The following APOH variants were observed in gnomAD, a reference collection of about 807,000 sequenced individuals.
APOH encodes beta-2-glycoprotein 1.
Under a neutral mutation model 39.8 loss-of-function variants are expected in APOH, and 48 were observed. The observed-to-expected ratio is 1.21, with a 90% CI of 0.96 to 1.54. The LOEUF (loss-of-function observed/expected upper bound fraction) is 1.54. APOH is among the 40% of genes most tolerant of loss of function. APOH has a pLI of 0.00. For synonymous variants in APOH, 153 were observed against 151.1 expected (o/e 1.01, Z -0.09); for missense variants, 415 against 421.2 (o/e 0.99, Z 0.13).
intron 3 of APOH, among the ~76,000 whole-genome samples, chr17:66,225,458 T>C (rs2073433773): frequency 6.6e-6 from 1 of 152,214 alleles, no homozygotes; most frequent in Non-Finnish European, 1.5e-5. Context: ...TCAATCAAAT[T>C]AGCCTAATAA....
chr17:66,217,069 G>A, intron 5 of APOH, 102 bp from the exon 6 acceptor site: 1 of 985,182 alleles, frequency 1.0e-6, no homozygotes, highest in Non-Finnish European at 1.4e-6. Context: ...GAATCACTGT[G>A]TGTTCCTGTA....
At chr17:66,219,193 A>G (rs1462001616) in intron 5 of APOH, among the ~76,000 whole-genome samples, 1 of 152,084 alleles carries the variant, frequency 6.6e-6, no homozygotes, top group Non-Finnish European at 1.5e-5. Flanking sequence ...ATGTTATTAG[A>G]ATGGTTTGGA....
At chr17:66,228,261 C>A in intron 1 of APOH, 65 bp from the exon 2 acceptor site, 1 of 1,539,614 alleles carries the variant, frequency 6.5e-7, no homozygotes, top group Admixed American at 1.9e-5. Flanking sequence ...TCAGCTAAGC[C>A]CACAAATGAA....
Position 66,220,560 on chromosome 17 carries a change from A to T in APOH, c.598T>A (p.Cys200Ser). 1 of 1,614,012 alleles carries T rather than the reference A, an allele frequency of 6.2e-7. No homozygotes were observed. Among genetic ancestry groups the T allele is most frequent in the Non-Finnish European group, 8.5e-7 (1 of 1,179,868 alleles). The change falls in exon 5 of 8, where the codon TGC becomes AGC. Residue 200 changes from cysteine to serine, a missense_variant. Physicochemically the swap from Cys to Ser is moderately radical, Grantham distance 112. Around this residue, in one of 3 missense-constraint regions of APOH, gnomAD observed 288 missense variants for 284.9 expected, o/e 1.01. Coordinates refer to ENST00000205948, the MANE Select transcript of APOH (RefSeq NM_000042.3). ...THGNWTKLPE[C>S]REVKCPFPSR... ...GTCTGATCATTGCACTTACCCCTGC[A>T]TTCTGGTAATTTAGTCCAATTTCCA... is the stretch of plus-strand genomic sequence containing the variant.
chr17:66,215,952 C>T (rs2073362370), intron 6 of APOH, among the ~76,000 whole-genome samples: 1 of 152,142 alleles, frequency 6.6e-6, no homozygotes, highest in Non-Finnish European at 1.5e-5. Flanking sequence ...GATCGACTTG[C>T]CTGTTGCCTC....
At chr17:66,212,812 A>G (rs1447269430) in intron 7 of APOH, among the ~76,000 whole-genome samples, 1 of 152,240 alleles carries the variant, frequency 6.6e-6, no homozygotes, top group Non-Finnish European at 1.5e-5. Flanking sequence ...ACCATAAGGG[A>G]GAAGATCCTG....
At chr17:66,217,127 C>T (rs562428902) in intron 5 of APOH, among the ~76,000 whole-genome samples, 160 bp from the exon 6 acceptor site, 1 of 152,236 alleles carries the variant, frequency 6.6e-6, no homozygotes, top group Non-Finnish European at 1.5e-5. Flanking sequence ...TGTCCCCACT[C>T]CTCTTATATC....
chr17:66,226,245 G>A (rs1437174168), intron 2 of APOH, 121 bp from the exon 3 acceptor site: 1 of 703,108 alleles, frequency 1.4e-6, no homozygotes, highest in Non-Finnish European at 2.3e-6. Context: ...TCATCCTTTG[G>A]TTCAATAACT....
intron 5 of APOH, among the ~76,000 whole-genome samples, chr17:66,219,845 G>A (rs1253780059): frequency 6.6e-6 from 1 of 152,066 alleles, no homozygotes; most frequent in Non-Finnish European, 1.5e-5. Context: ...CTTGAACCCA[G>A]GTGGCAGTAA....
At chr17:66,215,682 T>C (rs1047419710) in intron 6 of APOH, among the ~76,000 whole-genome samples, 1 of 152,172 alleles carries the variant, frequency 6.6e-6, no homozygotes, top group African/African-American at 2.4e-5. Context: ...GTTCTTTACT[T>C]ATGCATGACA....
chr17:66,215,970 T>C (rs2073362465), intron 6 of APOH, among the ~76,000 whole-genome samples: 2 of 152,060 alleles, frequency 1.3e-5, no homozygotes, highest in South Asian at 4.1e-4. Context: ...CTCCTTATAA[T>C]ATCCCCAATT....
At position 66,214,475 on chromosome 17, in the gene APOH, G is replaced by A. The variant is rs150855779; in HGVS notation, c.960C>T (p.Ile320=). The part of the protein sequence containing the change: ...TEDAQCIDGT[I]EVPKCFKEHS... ...TACCCTTGAAGCATTTGGGGACTTC[G>A]ATAGTGCCATCTATACACTGAGCAT... Residue 320 remains isoleucine, a synonymous_variant, in exon 7 of 8, where the codon ATC becomes ATT. Coordinates refer to ENST00000205948, the MANE Select transcript of APOH (RefSeq NM_000042.3). 4.2e-4 allele frequency: 677 copies of A among 1,613,832 alleles called. 3 individuals carry two copies. The African/African-American group carries it at 7.8e-3, about 19-fold the overall frequency.
chr17:66,218,375 T>C (rs2073377973), intron 5 of APOH, among the ~76,000 whole-genome samples: 1 of 151,822 alleles, frequency 6.6e-6, no homozygotes, highest in Non-Finnish European at 1.5e-5. Context: ...AGTGGTGCAA[T>C]CTTGGCTCAC....
rs750845988 is a variant in APOH, at chr17:66,223,688, A to G, written c.415+10T>C. On this transcript the variant is annotated intron_variant, in intron 4 of 7. Coordinates refer to ENST00000205948, the MANE Select transcript of APOH (RefSeq NM_000042.3). ...GGCAAACCAGCTGATCACCTTGCCC[A>G]CAGACTTACGAGCACAGACAGGAAG... 1.2e-6 allele frequency: 2 copies of G among 1,613,966 alleles called. No homozygotes were observed. Among genetic ancestry groups the G allele is most frequent in the Non-Finnish European group, 1.7e-6 (2 of 1,179,826 alleles).
chr17:66,215,307 A>C (rs1290175626), intron 6 of APOH, among the ~76,000 whole-genome samples: 7 of 152,246 alleles, frequency 4.6e-5, no homozygotes, highest in Non-Finnish European at 1.5e-5. Flanking sequence ...CGGCAGCATT[A>C]GCATCACCAG....
At chr17:66,217,344 A>AACCCCCCCC (rs2073371764) in intron 5 of APOH, among the ~76,000 whole-genome samples, 1 of 125,808 alleles carries the variant, frequency 7.9e-6, no homozygotes, top group Admixed American at 8.2e-5. Flanking sequence ...CAAAGACTGA[A>AACCCCCCCC]CCCCCCCCCC....
At chr17:66,219,623 C>T (rs764766515) in intron 5 of APOH, among the ~76,000 whole-genome samples, 10 of 152,226 alleles carry the variant, frequency 6.6e-5, no homozygotes, top group Non-Finnish European at 1.3e-4. Context: ...TTAATAGTCA[C>T]GAGAATAACT....
At chr17:66,217,354 C>G (rs1032064100) in intron 5 of APOH, among the ~76,000 whole-genome samples, 4 of 144,558 alleles carry the variant, frequency 2.8e-5, no homozygotes, top group East Asian at 2.2e-4. Context: ...ACCCCCCCCC[C>G]CATTCACACT....
chr17:66,219,980 C>G (rs550243892), intron 5 of APOH, among the ~76,000 whole-genome samples: 3 of 152,216 alleles, frequency 2.0e-5, no homozygotes, highest in Non-Finnish European at 2.9e-5. Context: ...ATGCAGCTGA[C>G]AAACTTGAAG....
Sources: gnomAD v4.1 joint callset for allele counts (sites outside exome capture counted in the v4.1 genomes callset) on GRCh38, gnomAD v4.1.1 for gene constraint, gnomAD v4.1.1 regional missense constraint, MANE v1.5 for transcripts, NCBI Gene and HGNC (gene_info 2026-07-23, HGNC 2026-07-21) for gene names.